The following ADAMTS3 variants were observed in gnomAD, a reference collection of about 807,000 sequenced individuals.
The protein encoded by ADAMTS3 is ADAM metallopeptidase with thrombospondin type 1 motif 3.
Under a neutral mutation model 129.0 loss-of-function variants are expected in ADAMTS3, and 73 were observed. The ratio of observed to expected loss-of-function variants is 0.57; its 90% CI spans 0.47 to 0.69. The LOEUF is 0.69. Ranked by LOEUF, ADAMTS3 falls within the 30% of genes least tolerant of loss-of-function variation. The pLI is 0.00. For synonymous variants in ADAMTS3, 477 were observed against 510.8 expected (o/e 0.93, Z 0.89); for missense variants, 1,457 against 1,514.5 (o/e 0.96, Z 0.63).
intron 4 of ADAMTS3, among the ~76,000 whole-genome samples, chr4:72,394,674 A>T (rs1022846912): frequency 6.6e-6 from 1 of 152,190 alleles, no homozygotes; most frequent in Non-Finnish European, 1.5e-5. Context: ...TGCATTATTC[A>T]AAAGAAGTCA....
chr4:72,483,987 C>G (rs917630793), intron 3 of ADAMTS3, among the ~76,000 whole-genome samples: 1 of 151,970 alleles, frequency 6.6e-6, no homozygotes, highest in Non-Finnish European at 1.5e-5. Flanking sequence ...CATTGCACTC[C>G]AGCCCGGGTG....
In ADAMTS3 at chr4:72,391,580, C is replaced by A. The variant is rs75570275; in HGVS notation, c.661+23235G>T. The stretch of plus-strand genomic sequence containing the variant: ...GAAACATTTTAAGCAGGGACCAAAT[C>A]TCTGTGACTACAGTTAGATAATAAA... On this transcript the variant is annotated intron_variant, in intron 4 of 21. Coordinates refer to ENST00000286657, the MANE Select transcript of ADAMTS3 (RefSeq NM_014243.3). Among the ~76,000 whole-genome samples the A allele has an allele frequency of 7.4e-3, 1,124 of 152,288 alleles. 48 individuals are homozygous for A. In the East Asian group the frequency reaches 0.11, roughly 15 times the overall value.
intron 4 of ADAMTS3, among the ~76,000 whole-genome samples, chr4:72,408,105 G>A (rs938328201): frequency 6.6e-6 from 1 of 152,092 alleles, no homozygotes; most frequent in East Asian, 1.9e-4. Flanking sequence ...TGCATTAAAG[G>A]AGCATTTGTT....
At chr4:72,317,834 C>T (rs530838541) in intron 10 of ADAMTS3, among the ~76,000 whole-genome samples, 10 of 152,184 alleles carry the variant, frequency 6.6e-5, no homozygotes, top group African/African-American at 2.2e-4. Context: ...TGAGACTAGC[C>T]TGGCCAATAT....
intron 4 of ADAMTS3, among the ~76,000 whole-genome samples, chr4:72,383,032 A>C (rs760678032): frequency 6.6e-6 from 1 of 152,224 alleles, no homozygotes; most frequent in African/African-American, 2.4e-5. Flanking sequence ...ATAATAAATA[A>C]GCACATAAAT....
At chr4:72,417,669 A>T (rs994182959) in intron 3 of ADAMTS3, among the ~76,000 whole-genome samples, 2 of 151,966 alleles carry the variant, frequency 1.3e-5, no homozygotes, top group African/African-American at 4.8e-5. Flanking sequence ...AGTGGCTCAC[A>T]CCTGTAATCC....
intron 5 of ADAMTS3, among the ~76,000 whole-genome samples, chr4:72,337,596 G>C (rs1192904915): frequency 1.3e-5 from 2 of 152,128 alleles, no homozygotes; most frequent in Non-Finnish European, 2.9e-5. Context: ...AAAGGGACAT[G>C]ATTTGTCTAA....
At chr4:72,466,066 A>T (rs1718909630) in intron 3 of ADAMTS3, among the ~76,000 whole-genome samples, 2 of 152,102 alleles carry the variant, frequency 1.3e-5, no homozygotes, top group Admixed American at 6.6e-5. Flanking sequence ...TACACAAGTG[A>T]TAATGTCCTA....
intron 3 of ADAMTS3, among the ~76,000 whole-genome samples, chr4:72,457,816 A>C (rs1718664431): frequency 6.6e-6 from 1 of 151,388 alleles, no homozygotes; most frequent in African/African-American, 2.4e-5. Flanking sequence ...AATGTATAGA[A>C]TATTTTATAC....
intron 4 of ADAMTS3, among the ~76,000 whole-genome samples, chr4:72,404,781 T>C (rs1722009076): frequency 6.6e-6 from 1 of 150,914 alleles, no homozygotes; most frequent in African/African-American, 2.4e-5. Context: ...CCAAAAAATC[T>C]AAAGAACTCC....
At chr4:72,470,374 T>TACACAC (rs1240216533) in intron 3 of ADAMTS3, among the ~76,000 whole-genome samples, 2 of 144,090 alleles carry the variant, frequency 1.4e-5, no homozygotes, top group African/African-American at 2.6e-5. Flanking sequence ...TATATATATA[T>TACACAC]ATACACACAC....
chr4:72,562,193 T>C (rs1421444770), intron 2 of ADAMTS3, among the ~76,000 whole-genome samples: 1 of 152,184 alleles, frequency 6.6e-6, no homozygotes, highest in African/African-American at 2.4e-5. Context: ...ACCAAATATT[T>C]AAAAATTATA....
chr4:72,433,087 A>T (rs1470648449), intron 3 of ADAMTS3, among the ~76,000 whole-genome samples: 1 of 151,936 alleles, frequency 6.6e-6, no homozygotes, highest in Non-Finnish European at 1.5e-5. Context: ...AAATATGCTG[A>T]CTTTTTTTCC....
Position 72,560,964 on chromosome 4 carries a change from C to T in ADAMTS3, c.97+6410G>A, listed in dbSNP as rs1014863725. The stretch of plus-strand genomic sequence containing the variant: ...GGTGGAGTTAGGACTTTAAACTACT[C>T]AGTCAACAGTGTCTGTGCTCCTGAC... On this transcript the variant is annotated intron_variant, in intron 2 of 21. Coordinates refer to ENST00000286657, the MANE Select transcript of ADAMTS3 (RefSeq NM_014243.3). 2.0e-5 allele frequency among the ~76,000 whole-genome samples: 3 copies of T among 152,156 alleles called. 1 individual carries two copies. The highest frequency in any genetic ancestry group is 7.2e-5 in the African/African-American group (3 of 41,408).
chr4:72,401,945 G>T (rs1290996811), intron 4 of ADAMTS3, among the ~76,000 whole-genome samples: 1 of 152,048 alleles, frequency 6.6e-6, no homozygotes, highest in Non-Finnish European at 1.5e-5. Flanking sequence ...TCTACTAAAA[G>T]AAAAGAAATA....
At chr4:72,539,113 AT>A (rs1307625533) in intron 3 of ADAMTS3, among the ~76,000 whole-genome samples, 1 of 152,150 alleles carries the variant, frequency 6.6e-6, no homozygotes, top group African/African-American at 2.4e-5. Flanking sequence ...GAATTTTGCA[AT>A]AGATTTCACA....
At chr4:72,407,594 G>C (rs1194224871) in intron 4 of ADAMTS3, among the ~76,000 whole-genome samples, 2 of 152,204 alleles carry the variant, frequency 1.3e-5, no homozygotes, top group East Asian at 3.9e-4. Flanking sequence ...GCACACTAGA[G>C]AGAACCAAGG....
rs1276827330 is a variant in ADAMTS3, at chr4:72,548,507, AGGTTCCT to A, written c.468_474del (p.Gly157LeufsTer13). 1 of 1,613,820 alleles carries A rather than the reference AGGTTCCT, an allele frequency of 6.2e-7. No individual in the cohort carries two copies. Among genetic ancestry groups the A allele is most frequent in the Non-Finnish European group, 8.5e-7 (1 of 1,179,814 alleles). ...CCATCACAGTTGCTGATGGCAACAG[AGGTTCCT>A]GGAATGTCCACGATGTCACCAACAT... is the stretch of plus-strand genomic sequence containing the variant. On this transcript the variant is annotated frameshift_variant, in exon 3 of 22. Coordinates refer to ENST00000286657, the MANE Select transcript of ADAMTS3 (RefSeq NM_014243.3). LOFTEE classifies it high-confidence loss of function.
intron 3 of ADAMTS3, among the ~76,000 whole-genome samples, chr4:72,547,637 C>G (rs895954387): frequency 3.3e-5 from 5 of 152,098 alleles, no homozygotes; most frequent in African/African-American, 1.2e-4. Flanking sequence ...GACAGTTTTT[C>G]TCCCCAGTCA....
Sources: allele counts gnomAD v4.1 joint callset (sites outside exome capture counted in the v4.1 genomes callset), GRCh38; gene constraint gnomAD v4.1.1; transcripts MANE v1.5; gene names NCBI Gene and HGNC (gene_info 2026-07-23, HGNC 2026-07-21).